The following BBS9 variants were observed in gnomAD, a reference collection of about 807,000 sequenced individuals.
BBS9 encodes the protein protein PTHB1.
In BBS9, 89 loss-of-function variants were observed where a neutral mutation model predicts 117.7. The ratio of observed to expected loss-of-function variants is 0.76; its 90% CI spans 0.64 to 0.90. The LOEUF (loss-of-function observed/expected upper bound fraction) is 0.90, where lower values mean the gene tolerates loss of function less well. BBS9 is among the 40% of genes least tolerant of loss of function. The pLI is 0.00. For synonymous variants in BBS9, 379 were observed against 370.9 expected (o/e 1.02, Z -0.25); for missense variants, 982 against 1,042.2 (o/e 0.94, Z 0.80).
intron 19 of BBS9, among the ~76,000 whole-genome samples, chr7:33,417,158 T>A (rs1468125355): frequency 6.6e-6 from 1 of 152,234 alleles, no homozygotes; most frequent in Non-Finnish European, 1.5e-5. Flanking sequence ...ACTTTTATTG[T>A]GAATATTATC....
chr7:33,485,791 T>C (rs1843036022), intron 19 of BBS9, among the ~76,000 whole-genome samples: 1 of 152,196 alleles, frequency 6.6e-6, no homozygotes, highest in South Asian at 2.1e-4. Context: ...AATAATTGAT[T>C]AGGTGTGAAC....
At chr7:33,595,605 A>G (rs1862618746) in intron 21 of BBS9, among the ~76,000 whole-genome samples, 1 of 152,196 alleles carries the variant, frequency 6.6e-6, no homozygotes, top group Non-Finnish European at 1.5e-5. Context: ...AATGAGTTCA[A>G]CCATTGTGGA....
At chr7:33,286,735 G>A (rs915688337) in intron 9 of BBS9, among the ~76,000 whole-genome samples, 1 of 152,150 alleles carries the variant, frequency 6.6e-6, no homozygotes, top group African/African-American at 2.4e-5. Flanking sequence ...CTTTGCAGAA[G>A]TACTTTGAAC....
intron 5 of BBS9, among the ~76,000 whole-genome samples, chr7:33,201,961 G>A (rs967999606): frequency 4.5e-4 from 69 of 152,186 alleles, no homozygotes; most frequent in African/African-American, 1.6e-3. Context: ...AAGCTCGGCT[G>A]TAAGTGATGG....
At chr7:33,596,516 A>G (rs1328777470) in intron 21 of BBS9, among the ~76,000 whole-genome samples, 1 of 152,034 alleles carries the variant, frequency 6.6e-6, no homozygotes, top group Non-Finnish European at 1.5e-5. Flanking sequence ...GTGGAAGAAG[A>G]GAGGTCATGG....
At chr7:33,242,114 C>T (rs1794624082) in intron 5 of BBS9, among the ~76,000 whole-genome samples, 1 of 152,094 alleles carries the variant, frequency 6.6e-6, no homozygotes, top group African/African-American at 2.4e-5. Flanking sequence ...AAATCACAGA[C>T]TGAGGTTTCT....
At chr7:33,326,458 C>A (rs1424481464) in intron 9 of BBS9, among the ~76,000 whole-genome samples, 1 of 152,082 alleles carries the variant, frequency 6.6e-6, no homozygotes, top group East Asian at 1.9e-4. Context: ...ACCTGAAGAG[C>A]TTGCTTGGTG....
At chr7:33,631,411 T>C (rs2129229568) in intron 21 of BBS9, among the ~76,000 whole-genome samples, 1 of 152,282 alleles carries the variant, frequency 6.6e-6, no homozygotes, top group East Asian at 1.9e-4. Context: ...AATGACCTTG[T>C]CCTCTCCAAA....
At chr7:33,618,232 C>T (rs1035938153) in intron 21 of BBS9, among the ~76,000 whole-genome samples, 2 of 152,020 alleles carry the variant, frequency 1.3e-5, no homozygotes, top group African/African-American at 2.4e-5. Flanking sequence ...GTGTTCATAG[C>T]TACTCTGGAG....
intron 19 of BBS9, among the ~76,000 whole-genome samples, chr7:33,478,191 C>T (rs1016920341): frequency 1.3e-5 from 2 of 151,920 alleles, no homozygotes; most frequent in Non-Finnish European, 2.9e-5. Flanking sequence ...TTTTTGAGGT[C>T]AAAGACTCCA....
intron 5 of BBS9, among the ~76,000 whole-genome samples, chr7:33,242,531 T>G (rs1363890972): frequency 1.3e-5 from 2 of 151,694 alleles, no homozygotes; most frequent in African/African-American, 2.4e-5. Flanking sequence ...GCTTCTAAAT[T>G]TTATTTACTT....
At chr7:33,305,340 A>C (rs57902640) in intron 9 of BBS9, among the ~76,000 whole-genome samples, 1 of 152,164 alleles carries the variant, frequency 6.6e-6, no homozygotes, top group South Asian at 2.1e-4. Flanking sequence ...GTCAATATTC[A>C]TCAGGGATAC....
At chr7:33,308,817 A>G (rs1449841020) in intron 9 of BBS9, among the ~76,000 whole-genome samples, 1 of 152,214 alleles carries the variant, frequency 6.6e-6, no homozygotes, top group Non-Finnish European at 1.5e-5. Context: ...TATGGGGCAA[A>G]TGAGAAGACT....
At chr7:33,601,063 A>G (rs1266517756) in intron 21 of BBS9, among the ~76,000 whole-genome samples, 1 of 152,190 alleles carries the variant, frequency 6.6e-6, no homozygotes, top group East Asian at 1.9e-4. Context: ...GTAGAAGAAA[A>G]GCACACATTA....
intron 19 of BBS9, among the ~76,000 whole-genome samples, chr7:33,469,182 C>T (rs1840629071): frequency 6.6e-6 from 1 of 152,122 alleles, no homozygotes; most frequent in Non-Finnish European, 1.5e-5. Flanking sequence ...CTGAGGAATG[C>T]ATTGTTTGCC....
chr7:33,598,516 A>G (rs745671510), intron 21 of BBS9, among the ~76,000 whole-genome samples: 28 of 152,168 alleles, frequency 1.8e-4, no homozygotes, highest in African/African-American at 4.8e-4. Flanking sequence ...GTTAATAATA[A>G]TGTATCAATA....
At chr7:33,332,657 A>G (rs1344653548) in intron 9 of BBS9, among the ~76,000 whole-genome samples, 2 of 150,280 alleles carry the variant, frequency 1.3e-5, no homozygotes, top group South Asian at 2.1e-4. Flanking sequence ...AGCCTGGGCA[A>G]CAGAGCAAGG....
intron 20 of BBS9, among the ~76,000 whole-genome samples, chr7:33,527,779 C>T (rs1203483319): frequency 6.6e-6 from 1 of 152,138 alleles, no homozygotes; most frequent in Non-Finnish European, 1.5e-5. Context: ...TCCTCTCGGG[C>T]TGTTTTATTT....
chr7:33,233,819 T>G (rs928260860), intron 5 of BBS9, among the ~76,000 whole-genome samples: 1 of 152,186 alleles, frequency 6.6e-6, no homozygotes, highest in Non-Finnish European at 1.5e-5. Context: ...GTTATATGAC[T>G]GGGACTGTGC....
Sources: allele counts gnomAD v4.1 joint callset (sites outside exome capture counted in the v4.1 genomes callset), GRCh38; gene constraint gnomAD v4.1.1; transcripts MANE v1.5; gene names NCBI Gene and HGNC (gene_info 2026-07-23, HGNC 2026-07-21).